Variants in CUX1 observed in about 807,000 individuals in gnomAD.
CUX1 encodes the protein protein CASP.
In CUX1, 31 loss-of-function variants were observed where a neutral mutation model predicts 158.8. The observed-to-expected ratio is 0.20, with a 90% CI of 0.15 to 0.26. The LOEUF (loss-of-function observed/expected upper bound fraction) is 0.26. Among genes scored for constraint, CUX1 ranks in the 10% least tolerant of loss-of-function variants. The pLI is 1.00. For missense variants in CUX1, 1,589 were observed against 2,014.6 expected (o/e 0.79, Z 4.04); for synonymous variants, 879 against 862.1 (o/e 1.02, Z -0.34).
At chr7:102,056,479 G>T (rs1040815576) in intron 3 of CUX1, among the ~76,000 whole-genome samples, 1 of 152,164 alleles carries the variant, frequency 6.6e-6, no homozygotes, top group African/African-American at 2.4e-5. Flanking sequence ...CACTAGAAAT[G>T]GAATCATAAA....
In CUX1 at chr7:102,196,793, T is replaced by C. The variant is rs1554518477; in HGVS notation, c.1382T>C (p.Phe461Ser). 1 of 1,614,176 alleles carries C rather than the reference T, an allele frequency of 6.2e-7. No homozygotes were observed. The highest frequency in any genetic ancestry group is 1.7e-5 in the Admixed American group (1 of 60,016). Reference sequence around the variant, plus strand: ...CCAGCGGGGTTAAGTCAAGACTTTTTCAGCTCATCCCTGGCAAGCCCCAGC... The same window carrying C: ...CCAGCGGGGTTAAGTCAAGACTTTTCCAGCTCATCCCTGGCAAGCCCCAGC... The part of the protein sequence containing the change: ...FSPAGLSQDF[F>S]SSSLASPSLP... Residue 461 changes from phenylalanine (F) to serine (S), a missense_variant, in exon 15 of 24, where the codon TTC becomes TCC. Coordinates refer to ENST00000292535, the MANE Select transcript of CUX1 (RefSeq NM_181552.4).
At chr7:102,270,988 G>A (rs1791174337) in intron 14 of CUX1, among the ~76,000 whole-genome samples, 1 of 152,184 alleles carries the variant, frequency 6.6e-6, no homozygotes. Context: ...GCTGCAAGTT[G>A]CTGCCACCCC....
At position 102,253,465 on chromosome 7, in the gene CUX1, G is replaced by A; in HGVS notation, c.*4423G>A. On this transcript the variant is annotated 3_prime_UTR_variant, in exon 24 of 24. Transcript: ENST00000292535. ...GACGGGCAGGTGCCTTCCCGACTAA[G>A]GTTGGACTGGATGACTTTGTTCCTC... is the stretch of plus-strand genomic sequence containing the variant. The A allele has an allele frequency of 1.0e-6, 1 of 985,492 alleles. No homozygotes were observed. The highest frequency in any genetic ancestry group is 1.2e-6 in the Non-Finnish European group (1 of 829,952). 61.0% of individuals were successfully genotyped at this position (985,492 alleles called of 1,614,324 possible).
At chr7:101,866,907 G>A (rs928776285) in intron 1 of CUX1, among the ~76,000 whole-genome samples, 2 of 152,190 alleles carry the variant, frequency 1.3e-5, no homozygotes, top group South Asian at 4.1e-4. Context: ...GGAATAAGAA[G>A]TTTCAAAAAG....
chr7:102,241,844 C>T lies in CUX1; in HGVS notation c.3887+2260C>T, dbSNP rs549913367. 2.0e-5 allele frequency among the ~76,000 whole-genome samples: 3 copies of T among 152,222 alleles called. No homozygotes were observed. The East Asian group carries it at 5.8e-4, about 29-fold the overall frequency. On this transcript the variant is annotated intron_variant, in intron 23 of 23. Transcript: ENST00000292535. Reference sequence around the variant, plus strand: ...GATTAGCCAGGCGTGGTAACACGCACCTACAGCCCCAGCTACTCAGGAGGC... The same window carrying T: ...GATTAGCCAGGCGTGGTAACACGCATCTACAGCCCCAGCTACTCAGGAGGC...
At chr7:101,871,128 G>A (rs1420668340) in intron 1 of CUX1, among the ~76,000 whole-genome samples, 1 of 152,064 alleles carries the variant, frequency 6.6e-6, no homozygotes, top group Non-Finnish European at 1.5e-5. Context: ...TCTTTCTGAA[G>A]CATTTTACTG....
intron 2 of CUX1, among the ~76,000 whole-genome samples, chr7:101,999,368 T>TC (rs1816397954): frequency 1.3e-5 from 2 of 152,048 alleles, no homozygotes; most frequent in Admixed American, 1.3e-4. Context: ...TTTTTATCTT[T>TC]CCTACCAGCC....
At chr7:101,816,298 G>A (rs1791769342), upstream of CUX1, among the ~76,000 whole-genome samples, 1 of 144,796 alleles carries the variant, frequency 6.9e-6, no homozygotes, top group South Asian at 2.1e-4. Context: ...ATCGGAAATT[G>A]ATCCTCTTTG....
chr7:102,283,607 G>C (rs1792282755), exon 23 of CUX1: 1 of 157,682 alleles, frequency 6.3e-6, no homozygotes, highest in Non-Finnish European at 1.4e-5. Context: ...AGTATATGAG[G>C]CTTGACAGAG....
At position 101,939,921 on chromosome 7, in the gene CUX1, A is replaced by G. The variant is rs370551196; in HGVS notation, c.141+23696A>G. 7.4e-4 allele frequency among the ~76,000 whole-genome samples: 112 copies of G among 152,212 alleles called. 3 individuals are homozygous for G. The East Asian group carries it at 0.014, about 19-fold the overall frequency. ...CATGGTGAAACCCCATCTCTACTAA[A>G]AAGACAAAAATTAGCCAGGCATGGT... On this transcript the variant is annotated intron_variant, in intron 2 of 23. Coordinates refer to ENST00000292535, the MANE Select transcript of CUX1 (RefSeq NM_181552.4).
chr7:102,179,229 G>A (rs1792752684), intron 11 of CUX1, among the ~76,000 whole-genome samples: 1 of 152,132 alleles, frequency 6.6e-6, no homozygotes, highest in South Asian at 2.1e-4. Flanking sequence ...TGTATTTTTA[G>A]TAGAGATGGG....
In CUX1 at chr7:102,257,312, T is replaced by C. The variant is rs1790003660; in HGVS notation, c.*8270T>C. On this transcript the variant is annotated 3_prime_UTR_variant, in exon 24 of 24. Coordinates refer to ENST00000292535, the MANE Select transcript of CUX1 (RefSeq NM_181552.4). Reference sequence around the variant, plus strand: ...TCCCCATCTCCCCAGAAGCCTTTTTTTTTTTCATTTTTCTCTAATTAGTCT... The same window carrying C: ...TCCCCATCTCCCCAGAAGCCTTTTTCTTTTTCATTTTTCTCTAATTAGTCT... The C allele has an allele frequency of 2.0e-6, 2 of 985,018 alleles. No individual in the cohort carries two copies. The highest frequency in any genetic ancestry group is 5.2e-4 in the Middle Eastern group (1 of 1,914). 61.0% of individuals were successfully genotyped at this position (985,018 alleles called of 1,614,324 possible).
intron 21 of CUX1, among the ~76,000 whole-genome samples, chr7:102,233,171 CT>C (rs1284526962): frequency 6.5e-5 from 9 of 137,874 alleles, no homozygotes; most frequent in Middle Eastern, 3.5e-3. Context: ...AGCCTGAAGG[CT>C]TTTTTTTTTC....
At chr7:102,217,132 G>A (rs1007969925) in intron 20 of CUX1, among the ~76,000 whole-genome samples, 3 of 152,180 alleles carry the variant, frequency 2.0e-5, no homozygotes, top group Admixed American at 6.5e-5. Context: ...CAGAAAAGCC[G>A]GAACAAGGCG....
intron 1 of CUX1, among the ~76,000 whole-genome samples, chr7:101,914,965 G>T (rs775137412): frequency 6.6e-6 from 1 of 152,162 alleles, no homozygotes; most frequent in Non-Finnish European, 1.5e-5. Context: ...TGGGTGGTGG[G>T]GGGTGGAGAA....
At chr7:101,951,653 C>A (rs1209795937) in intron 2 of CUX1, among the ~76,000 whole-genome samples, 2 of 152,096 alleles carry the variant, frequency 1.3e-5, no homozygotes, top group East Asian at 3.9e-4. Context: ...CTACAGGCGT[C>A]CGCCACCACA....
intron 20 of CUX1, among the ~76,000 whole-genome samples, chr7:102,213,978 CA>C (rs1187774733): frequency 1.3e-5 from 2 of 152,144 alleles, no homozygotes; most frequent in Non-Finnish European, 1.5e-5. Context: ...ACTAAAAATA[CA>C]AAAAAATTAG....
At chr7:102,194,216 A>C (rs782465610) in intron 13 of CUX1, 1 of 334,432 alleles carries the variant, frequency 3.0e-6, no homozygotes, top group Non-Finnish European at 5.5e-6. Context: ...AAAAGAGAAA[A>C]GCTAGTGTTT....
chr7:102,134,775 T>C (rs2131341639), intron 8 of CUX1, among the ~76,000 whole-genome samples: 1 of 152,052 alleles, frequency 6.6e-6, no homozygotes, highest in Non-Finnish European at 1.5e-5. Context: ...TTCTTTTTAT[T>C]TTTAGAGATG....
Sources: gnomAD v4.1 joint callset for allele counts (sites outside exome capture counted in the v4.1 genomes callset) on GRCh38, gnomAD v4.1.1 for gene constraint, MANE v1.5 for transcripts, NCBI Gene and HGNC (gene_info 2026-07-23, HGNC 2026-07-21) for gene names.